The following SDK1 variants were observed in gnomAD, a reference collection of about 807,000 sequenced individuals.
SDK1 encodes the protein protein sidekick-1.
In SDK1, 157 loss-of-function variants were observed where a neutral mutation model predicts 245.5. The ratio of observed to expected loss-of-function variants is 0.64; its 90% CI spans 0.56 to 0.73. The LOEUF (loss-of-function observed/expected upper bound fraction) is 0.73, where lower values mean the gene tolerates loss of function less well. Ranked by LOEUF, SDK1 falls within the 30% of genes least tolerant of loss-of-function variation. The pLI is 0.00. For missense variants in SDK1, 3,583 were observed against 3,002.3 expected (o/e 1.19, Z -4.52); for synonymous variants, 1,647 against 1,278.5 (o/e 1.29, Z -6.15).
At chr7:3,917,187 A>G (rs1435742807) in intron 5 of SDK1, among the ~76,000 whole-genome samples, 1 of 152,222 alleles carries the variant, frequency 6.6e-6, no homozygotes, top group Non-Finnish European at 1.5e-5. Flanking sequence ...TTTTGTCACT[A>G]AATAAAAATC....
rs148300470 is a variant in SDK1, at chr7:3,679,154, T to G, written c.713+37049T>G. The stretch of plus-strand genomic sequence containing the variant: ...CTGGGACAGATGCTGCAAAGAGGAA[T>G]GAAAAAACAGGCTGCAAACTAGGGG... On this transcript the variant is annotated intron_variant, in intron 4 of 44. Transcript: ENST00000404826. 1.5e-3 allele frequency among the ~76,000 whole-genome samples: 235 copies of G among 152,280 alleles called. 2 individuals are homozygous for G. Among genetic ancestry groups the G allele is most frequent in the African/African-American group, 5.3e-3 (222 of 41,560 alleles).
intron 4 of SDK1, among the ~76,000 whole-genome samples, chr7:3,688,443 A>G (rs1784352744): frequency 1.3e-5 from 2 of 152,256 alleles, no homozygotes. Flanking sequence ...CTGTATCTAT[A>G]CTGAAGGAGT....
chr7:3,789,817 A>T (rs1781023462), intron 4 of SDK1, among the ~76,000 whole-genome samples: 1 of 152,014 alleles, frequency 6.6e-6, no homozygotes, highest in African/African-American at 2.4e-5. Context: ...TTGGAGACAC[A>T]GGAGCTGACC....
rs138523878 is a variant in SDK1, at chr7:3,724,700, A to G, written c.713+82595A>G. On this transcript the variant is annotated intron_variant, in intron 4 of 44. Coordinates refer to ENST00000404826, the MANE Select transcript of SDK1 (RefSeq NM_152744.4). ...CTGTCTTCCATGAGGTGATTCAGAG[A>G]CACGGGCTGCTTGGGTCCTGCAGTT... Among the ~76,000 whole-genome samples, 938 of 152,284 alleles carry G rather than the reference A, an allele frequency of 6.2e-3. 32 individuals are homozygous for G. The highest frequency in any genetic ancestry group is 1.7e-3 in the Non-Finnish European group (113 of 68,036).
chr7:3,727,710 C>T (rs758106357), intron 4 of SDK1, among the ~76,000 whole-genome samples: 2 of 152,080 alleles, frequency 1.3e-5, no homozygotes, highest in African/African-American at 2.4e-5. Context: ...GGGCTGGTCT[C>T]GAACTCCTGA....
chr7:3,695,797 T>G (rs949697517), intron 4 of SDK1, among the ~76,000 whole-genome samples: 3 of 152,184 alleles, frequency 2.0e-5, no homozygotes, highest in African/African-American at 7.2e-5. Flanking sequence ...AGACGTAGCC[T>G]GTATGTGCAG....
At chr7:3,659,193 C>G (rs1332089118) in intron 4 of SDK1, among the ~76,000 whole-genome samples, 2 of 152,102 alleles carry the variant, frequency 1.3e-5, no homozygotes, top group African/African-American at 4.8e-5. Flanking sequence ...CTTTCCTGGA[C>G]TACGTTCTGT....
chr7:3,900,049 T>G (rs1032292873), intron 5 of SDK1, among the ~76,000 whole-genome samples: 2 of 152,230 alleles, frequency 1.3e-5, no homozygotes, highest in Non-Finnish European at 2.9e-5. Flanking sequence ...CACTAACATT[T>G]AACAAATACG....
intron 20 of SDK1, 135 bp from the exon 21 acceptor site, chr7:4,076,863 A>G (rs879095576): frequency 1.4e-6 from 1 of 692,170 alleles, no homozygotes; most frequent in Admixed American, 2.6e-5. Context: ...TCAGTAGCAC[A>G]GTGGCTCTAA....
intron 35 of SDK1, among the ~76,000 whole-genome samples, chr7:4,190,557 C>T (rs1047331583): frequency 6.6e-6 from 1 of 152,206 alleles, no homozygotes; most frequent in African/African-American, 2.4e-5. Flanking sequence ...ACTAAGAAGC[C>T]CTCGCCAAGG....
chr7:4,153,755 C>A (rs544218729), intron 30 of SDK1, among the ~76,000 whole-genome samples: 1 of 152,210 alleles, frequency 6.6e-6, no homozygotes, highest in Non-Finnish European at 1.5e-5. Context: ...TCGTTCACTG[C>A]AGCCTCCAAC....
chr7:3,630,238 A>C (rs78529803), intron 2 of SDK1, among the ~76,000 whole-genome samples: 4,580 of 152,296 alleles, frequency 0.03, 199 homozygotes, highest in African/African-American at 0.098. Context: ...TGCAAATCCC[A>C]ATTACTGGAG....
At chr7:4,136,395 A>G (rs576616341) in intron 28 of SDK1, among the ~76,000 whole-genome samples, 3 of 152,294 alleles carry the variant, frequency 2.0e-5, no homozygotes, top group South Asian at 2.1e-4. Flanking sequence ...CCTTGAATCA[A>G]TGTTCCCACT....
chr7:4,015,987 C>A (rs1189172872), intron 16 of SDK1, among the ~76,000 whole-genome samples: 1 of 152,240 alleles, frequency 6.6e-6, no homozygotes, highest in Non-Finnish European at 1.5e-5. Context: ...TCAAGCCCTC[C>A]TTCTCTTGGG....
At chr7:4,001,278 T>C (rs1002178014) in intron 14 of SDK1, among the ~76,000 whole-genome samples, 1 of 152,186 alleles carries the variant, frequency 6.6e-6, no homozygotes, top group East Asian at 1.9e-4. Context: ...TTAGGATTGG[T>C]CTCCCACCCA....
At chr7:3,526,845 A>G (rs1040119856) in intron 1 of SDK1, among the ~76,000 whole-genome samples, 9 of 152,100 alleles carry the variant, frequency 5.9e-5, no homozygotes, top group Non-Finnish European at 1.2e-4. Flanking sequence ...TCTTATATAT[A>G]TCTTCCAGAT....
chr7:3,605,832 T>A (rs1030811887), intron 1 of SDK1, among the ~76,000 whole-genome samples: 1 of 152,216 alleles, frequency 6.6e-6, no homozygotes, highest in African/African-American at 2.4e-5. Context: ...AATTTTAACT[T>A]CTGATCAAAT....
At chr7:4,072,897 G>C (rs896964169) in intron 20 of SDK1, among the ~76,000 whole-genome samples, 8 of 152,248 alleles carry the variant, frequency 5.3e-5, no homozygotes, top group African/African-American at 1.9e-4. Context: ...GTAGGGGGCG[G>C]CTGCGCCTGC....
At chr7:3,708,710 C>A (rs1463380520) in intron 4 of SDK1, among the ~76,000 whole-genome samples, 2 of 152,106 alleles carry the variant, frequency 1.3e-5, no homozygotes, top group African/African-American at 4.8e-5. Context: ...CAGTTACCTC[C>A]CACCAGGCCC....
Sources: gnomAD v4.1 joint callset for allele counts (sites outside exome capture counted in the v4.1 genomes callset) on GRCh38, gnomAD v4.1.1 for gene constraint, MANE v1.5 for transcripts, NCBI Gene and HGNC (gene_info 2026-07-23, HGNC 2026-07-21) for gene names.